Variants in CSMD1 observed in about 807,000 individuals in gnomAD.
The protein encoded by CSMD1 is CUB and sushi domain-containing protein 1.
CSMD1 carries 213 observed loss-of-function variants against 417.5 expected under a neutral mutation model. That is an observed-to-expected ratio of 0.51 (90% CI 0.46 to 0.57). The LOEUF (loss-of-function observed/expected upper bound fraction) is 0.57, where lower values mean the gene tolerates loss of function less well. Ranked by LOEUF, CSMD1 falls within the 20% of genes least tolerant of loss-of-function variation. CSMD1 has a pLI of 0.00. For synonymous variants in CSMD1, 2,862 were observed against 1,736.8 expected, an observed-to-expected ratio of 1.65 and a Z score of -16.11; for missense variants, 6,923 against 4,529.7, an observed-to-expected ratio of 1.53 and a Z score of -15.17.
chr8:3,398,518 T>C (rs1051733359), intron 16 of CSMD1, among the ~76,000 whole-genome samples: 1 of 152,160 alleles, frequency 6.6e-6, no homozygotes, highest in Non-Finnish European at 1.5e-5. Flanking sequence ...CATTGATCAT[T>C]TGAAAACAAA....
At chr8:4,386,064 A>G (rs1277407108) in intron 3 of CSMD1, among the ~76,000 whole-genome samples, 1 of 152,036 alleles carries the variant, frequency 6.6e-6, no homozygotes, top group African/African-American at 2.4e-5. Context: ...CTTCTCTGTG[A>G]TACCTTCTTG....
At chr8:4,337,126 AGTGGGATC>A (rs1800218843) in intron 3 of CSMD1, among the ~76,000 whole-genome samples, 1 of 152,134 alleles carries the variant, frequency 6.6e-6, no homozygotes, top group South Asian at 2.1e-4. Context: ...GAAGCATTTA[AGTGGGATC>A]TTCTGCCCCC....
intron 26 of CSMD1, among the ~76,000 whole-genome samples, chr8:3,241,702 T>TCAGGC (rs1799539258): frequency 1.3e-5 from 2 of 152,264 alleles, no homozygotes; most frequent in East Asian, 1.9e-4. Flanking sequence ...GGGAGGTGTT[T>TCAGGC]CTGGAGGAAC....
chr8:4,283,266 T>C (rs935963969), intron 3 of CSMD1, among the ~76,000 whole-genome samples: 1 of 152,224 alleles, frequency 6.6e-6, no homozygotes, highest in South Asian at 2.1e-4. Context: ...TGAAGACTTT[T>C]AATGCACATT....
intron 23 of CSMD1, among the ~76,000 whole-genome samples, chr8:3,326,931 C>T (rs989486644): frequency 2.6e-5 from 4 of 151,882 alleles, no homozygotes; most frequent in African/African-American, 9.7e-5. Flanking sequence ...AATCTCGGCT[C>T]TTAGGGAGGA....
chr8:4,389,230 C>A (rs1001617809), intron 3 of CSMD1, among the ~76,000 whole-genome samples: 1 of 152,154 alleles, frequency 6.6e-6, no homozygotes, highest in Non-Finnish European at 1.5e-5. Flanking sequence ...GCAATACTTT[C>A]TCTCCTCTTT....
chr8:3,981,463 A>T (rs549290844), intron 5 of CSMD1, among the ~76,000 whole-genome samples: 1 of 150,022 alleles, frequency 6.7e-6, no homozygotes, highest in East Asian at 2.0e-4. Flanking sequence ...TCATGTATCC[A>T]AATACCACCT....
chr8:3,977,388 G>C (rs759866575), intron 5 of CSMD1, among the ~76,000 whole-genome samples: 21 of 152,144 alleles, frequency 1.4e-4, no homozygotes, highest in Non-Finnish European at 2.9e-4. Flanking sequence ...GCTGAAAAGA[G>C]AAATTTCTAA....
At chr8:3,576,810 C>T (rs1362362038) in intron 9 of CSMD1, among the ~76,000 whole-genome samples, 10 of 152,112 alleles carry the variant, frequency 6.6e-5, no homozygotes, top group Admixed American at 5.9e-4. Flanking sequence ...TCTTAAAGCC[C>T]TCTAATATTA....
intron 7 of CSMD1, among the ~76,000 whole-genome samples, chr8:3,681,143 C>G (rs1046858408): frequency 6.6e-6 from 1 of 152,170 alleles, no homozygotes; most frequent in African/African-American, 2.4e-5. Context: ...CAGGGATGCC[C>G]TCTTTCACCA....
chr8:3,908,179 G>A (rs1808234352), intron 5 of CSMD1, among the ~76,000 whole-genome samples: 1 of 152,066 alleles, frequency 6.6e-6, no homozygotes, highest in Non-Finnish European at 1.5e-5. Context: ...CAATGACCAT[G>A]GGCCAGGCTA....
At chr8:3,235,619 G>C (rs116852183) in intron 26 of CSMD1, among the ~76,000 whole-genome samples, 1 of 152,068 alleles carries the variant, frequency 6.6e-6, no homozygotes, top group Non-Finnish European at 1.5e-5. Flanking sequence ...TGTCATCATA[G>C]AGCACAGTTT....
chr8:4,487,389 C>T (rs182450659), intron 2 of CSMD1, among the ~76,000 whole-genome samples: 393 of 152,190 alleles, frequency 2.6e-3, no homozygotes, highest in Non-Finnish European at 4.5e-3. Context: ...TTGTTCAGTT[C>T]CCATCTATGA....
intron 7 of CSMD1, among the ~76,000 whole-genome samples, chr8:3,658,567 G>C (rs957477935): frequency 6.6e-6 from 1 of 151,578 alleles, no homozygotes; most frequent in African/African-American, 2.4e-5. Flanking sequence ...TGGATGACTT[G>C]AGGTCAGGAG....
At chr8:3,048,106 T>C (rs1378885982) in intron 50 of CSMD1, among the ~76,000 whole-genome samples, 1 of 152,194 alleles carries the variant, frequency 6.6e-6, no homozygotes, top group African/African-American at 2.4e-5. Context: ...CCCAAAGAGC[T>C]GAATTATTTT....
chr8:3,424,441 C>G (rs956066186), intron 12 of CSMD1, among the ~76,000 whole-genome samples: 4 of 152,150 alleles, frequency 2.6e-5, no homozygotes, highest in African/African-American at 9.7e-5. Context: ...CACGTCTAGT[C>G]TGTGTATTTA....
chr8:3,398,058 A>G (rs1235943785), intron 16 of CSMD1, among the ~76,000 whole-genome samples: 1 of 152,220 alleles, frequency 6.6e-6, no homozygotes, highest in Non-Finnish European at 1.5e-5. Flanking sequence ...CTGAAACAAT[A>G]CTGAATGAAT....
chr8:4,216,295 A>G (rs1800663730), intron 3 of CSMD1, among the ~76,000 whole-genome samples: 1 of 151,982 alleles, frequency 6.6e-6, no homozygotes, highest in Admixed American at 6.6e-5. Flanking sequence ...GTGGTTGCCT[A>G]GTCAATTCTA....
chr8:3,703,377 G>C (rs759225769), intron 7 of CSMD1, among the ~76,000 whole-genome samples: 2 of 149,942 alleles, frequency 1.3e-5, no homozygotes, highest in Non-Finnish European at 3.0e-5. Flanking sequence ...AGATTAGGAG[G>C]CATAAATGAA....
Sources: allele counts gnomAD v4.1 joint callset (sites outside exome capture counted in the v4.1 genomes callset), GRCh38; gene constraint gnomAD v4.1.1; transcripts MANE v1.5; gene names NCBI Gene and HGNC (gene_info 2026-07-23, HGNC 2026-07-21).